Variants in RBM26 observed in about 807,000 individuals in gnomAD.
RBM26 encodes RNA-binding protein 26.
A neutral mutation model predicts 123.6 loss-of-function variants in RBM26; 30 were observed. The ratio of observed to expected loss-of-function variants is 0.24; its 90% CI spans 0.18 to 0.33. RBM26 has a LOEUF of 0.33. Among genes scored for constraint, RBM26 ranks in the 10% least tolerant of loss-of-function variants. RBM26 has a pLI of 1.00. For missense variants in RBM26, 947 were observed against 1,203.6 expected (o/e 0.79, Z 3.15); for synonymous variants, 400 against 404.4 (o/e 0.99, Z 0.13).
intron 1 of RBM26, among the ~76,000 whole-genome samples, chr13:79,386,670 T>A (rs2077518808): frequency 1.3e-5 from 2 of 151,006 alleles, no homozygotes; most frequent in Non-Finnish European, 3.0e-5. Context: ...TTTTTTTTTT[T>A]TAATTCCTAT....
At chr13:79,374,159 C>T (rs2076427990) in intron 3 of RBM26, among the ~76,000 whole-genome samples, 1 of 151,906 alleles carries the variant, frequency 6.6e-6, no homozygotes, top group Non-Finnish European at 1.5e-5. Context: ...TTGATAAGGG[C>T]TTCTGACTGT....
At chr13:79,387,982 A>G (rs2077630206) in intron 1 of RBM26, among the ~76,000 whole-genome samples, 1 of 152,220 alleles carries the variant, frequency 6.6e-6, no homozygotes, top group Non-Finnish European at 1.5e-5. Flanking sequence ...TTTCCCTAGA[A>G]CAAATCACAA....
At chr13:79,403,737 T>G (rs2079252225) in intron 1 of RBM26, among the ~76,000 whole-genome samples, 1 of 152,046 alleles carries the variant, frequency 6.6e-6, no homozygotes, top group Admixed American at 6.6e-5. Flanking sequence ...TGCTCCAGAG[T>G]TCTCCTCACC....
At chr13:79,380,916 G>A (rs2077024682) in intron 1 of RBM26, among the ~76,000 whole-genome samples, 1 of 151,974 alleles carries the variant, frequency 6.6e-6, no homozygotes, top group South Asian at 2.1e-4. Context: ...ACAATGTCAG[G>A]ACGGGAAATT....
intron 1 of RBM26, among the ~76,000 whole-genome samples, chr13:79,390,656 T>G (rs1010622514): frequency 6.6e-6 from 1 of 152,190 alleles, no homozygotes; most frequent in African/African-American, 2.4e-5. Context: ...GTAAGTGCAC[T>G]GACATCTGCG....
At chr13:79,399,565 T>A (rs1033208979) in intron 1 of RBM26, among the ~76,000 whole-genome samples, 1 of 152,212 alleles carries the variant, frequency 6.6e-6, no homozygotes, top group Non-Finnish European at 1.5e-5. Context: ...ATCATTAGCT[T>A]TCTTAAAGGC....
chr13:79,390,046 C>T (rs1220658831), intron 1 of RBM26, among the ~76,000 whole-genome samples: 2 of 151,978 alleles, frequency 1.3e-5, no homozygotes, highest in Admixed American at 1.3e-4. Context: ...GTGGCACATG[C>T]ATATTTTTAC....
intron 20 of RBM26, among the ~76,000 whole-genome samples, chr13:79,324,855 A>G (rs748577937): frequency 6.6e-6 from 1 of 152,006 alleles, no homozygotes; most frequent in Non-Finnish European, 1.5e-5. Flanking sequence ...TTTTTTCCAA[A>G]TAGCTAGTCA....
At chr13:79,400,863 A>T (rs938472746) in intron 1 of RBM26, among the ~76,000 whole-genome samples, 2 of 152,246 alleles carry the variant, frequency 1.3e-5, no homozygotes, top group Non-Finnish European at 2.9e-5. Context: ...AAGAAATTCT[A>T]TTCCAAGACA....
chr13:79,379,618 A>G (rs1164954463), intron 1 of RBM26, among the ~76,000 whole-genome samples: 1 of 151,956 alleles, frequency 6.6e-6, no homozygotes, highest in Non-Finnish European at 1.5e-5. Context: ...ATGTCAGAGG[A>G]AAACACAATT....
At chr13:79,356,624 T>C (rs1377031066) in intron 11 of RBM26, among the ~76,000 whole-genome samples, 1 of 152,164 alleles carries the variant, frequency 6.6e-6, no homozygotes, top group Non-Finnish European at 1.5e-5. Flanking sequence ...AAGATAATTT[T>C]GGTAACATTT....
At chr13:79,322,603 T>C in intron 20 of RBM26, 141 bp from the exon 21 acceptor site, 1 of 504,996 alleles carries the variant, frequency 2.0e-6, no homozygotes. Flanking sequence ...TTTGATTATT[T>C]ACTATTCAAT....
chr13:79,403,774 T>C (rs2079258042), intron 1 of RBM26, among the ~76,000 whole-genome samples: 1 of 152,176 alleles, frequency 6.6e-6, no homozygotes, highest in Non-Finnish European at 1.5e-5. Flanking sequence ...CACTCTCCAA[T>C]ACACCGAAAT....
intron 1 of RBM26, among the ~76,000 whole-genome samples, chr13:79,390,095 G>T (rs1304609896): frequency 6.6e-6 from 1 of 152,002 alleles, no homozygotes; most frequent in Non-Finnish European, 1.5e-5. Context: ...GAATCAGAAA[G>T]GAATAAGAAG....
At chr13:79,352,273 T>C (rs1465970285) in intron 14 of RBM26, among the ~76,000 whole-genome samples, 1 of 152,188 alleles carries the variant, frequency 6.6e-6, no homozygotes, top group Non-Finnish European at 1.5e-5. Context: ...AAAAGAGCCA[T>C]GGACTAAAAA....
chr13:79,379,235 G>C (rs1594556417), intron 1 of RBM26, among the ~76,000 whole-genome samples: 1 of 151,800 alleles, frequency 6.6e-6, no homozygotes, highest in East Asian at 1.9e-4. Flanking sequence ...GATAAATTAT[G>C]CAATAAACAG....
chr13:79,331,804 T>C (rs1165720688), intron 20 of RBM26, among the ~76,000 whole-genome samples: 1 of 152,184 alleles, frequency 6.6e-6, no homozygotes, highest in Non-Finnish European at 1.5e-5. Flanking sequence ...AAATCAGTCA[T>C]GGAAGAGACG....
chr13:79,396,075 T>TA (rs2078534534), intron 1 of RBM26, among the ~76,000 whole-genome samples: 1 of 152,074 alleles, frequency 6.6e-6, no homozygotes, highest in Non-Finnish European at 1.5e-5. Context: ...AATTGAATCT[T>TA]AAAGGTAGTC....
chr13:79,371,935 T>TA lies in RBM26; in HGVS notation c.328-6_328-5insT. The TA allele has an allele frequency of 6.7e-7, 1 of 1,490,918 alleles. No homozygotes were observed. The allele number at this position is 1,490,918 out of a possible 1,614,324, so 92.4% of individuals were successfully genotyped here. Reference sequence around the variant, plus strand: ...TCGCTCTTCCTCCTTAGTGATCTGATTAAAAAAAAAAAAAAAAGTGTACAA... The same window carrying TA: ...TCGCTCTTCCTCCTTAGTGATCTGATATAAAAAAAAAAAAAAAAGTGTACAA... On this transcript the variant is annotated splice_polypyrimidine_tract_variant and splice_region_variant and intron_variant, in intron 3 of 21. Transcript: ENST00000438737.
Sources: gnomAD v4.1 joint callset for allele counts (sites outside exome capture counted in the v4.1 genomes callset) on GRCh38, gnomAD v4.1.1 for gene constraint, MANE v1.5 for transcripts, NCBI Gene and HGNC (gene_info 2026-07-23, HGNC 2026-07-21) for gene names.